The following RERE variants were observed in gnomAD, a reference collection of about 807,000 sequenced individuals.
RERE encodes arginine-glutamic acid dipeptide repeats protein.
In RERE, 40 loss-of-function variants were observed where a neutral mutation model predicts 146.1. The observed-to-expected ratio is 0.27, with a 90% CI of 0.21 to 0.36. The LOEUF (loss-of-function observed/expected upper bound fraction) is 0.36. RERE is among the 10% of genes least tolerant of loss of function. RERE has a pLI of 1.00. For missense variants in RERE, 1,933 were observed against 2,138.7 expected, an observed-to-expected ratio of 0.90 and a Z score of 1.90; for synonymous variants, 1,003 against 866.0, an observed-to-expected ratio of 1.16 and a Z score of -2.78.
intron 10 of RERE, among the ~76,000 whole-genome samples, chr1:8,485,796 CTTTTTT>C (rs58295004): frequency 1.7e-5 from 2 of 117,820 alleles, no homozygotes; most frequent in Admixed American, 8.8e-5. Flanking sequence ...TCTACAATCA[CTTTTTT>C]TTTTTTTTTT....
At chr1:8,615,289 A>G (rs1265599210) in intron 3 of RERE, among the ~76,000 whole-genome samples, 3 of 152,258 alleles carry the variant, frequency 2.0e-5, no homozygotes, top group Non-Finnish European at 4.4e-5. Flanking sequence ...AATTTTCTCC[A>G]AACGCCCACA....
At chr1:8,662,484 C>A (rs1325867851) in intron 1 of RERE, among the ~76,000 whole-genome samples, 1 of 152,140 alleles carries the variant, frequency 6.6e-6, no homozygotes, top group East Asian at 1.9e-4. Context: ...TCATTTGAGA[C>A]CAACCTGGGA....
chr1:8,413,446 G>A (rs1270007464), intron 12 of RERE, among the ~76,000 whole-genome samples: 1 of 152,114 alleles, frequency 6.6e-6, no homozygotes, highest in African/African-American at 2.4e-5. Flanking sequence ...GGGCTCAAGT[G>A]ATCCTCCCAC....
At chr1:8,471,588 A>G (rs1570294096) in intron 10 of RERE, among the ~76,000 whole-genome samples, 1 of 141,838 alleles carries the variant, frequency 7.1e-6, no homozygotes, top group Admixed American at 7.3e-5. Flanking sequence ...CAATCAGCCC[A>G]CTTCCGCCTG....
At chr1:8,430,216 T>A (rs77132113) in intron 11 of RERE, among the ~76,000 whole-genome samples, 2 of 152,180 alleles carry the variant, frequency 1.3e-5, no homozygotes, top group Non-Finnish European at 2.9e-5. Flanking sequence ...GTTTTACATA[T>A]TTAACATTTT....
intron 1 of RERE, among the ~76,000 whole-genome samples, chr1:8,710,660 A>G (rs958580244): frequency 6.6e-6 from 1 of 152,162 alleles, no homozygotes; most frequent in Non-Finnish European, 1.5e-5. Flanking sequence ...CTGGGACTAC[A>G]GGTGCCCACC....
At chr1:8,500,634 C>T (rs1364887013) in intron 8 of RERE, among the ~76,000 whole-genome samples, 3 of 151,726 alleles carry the variant, frequency 2.0e-5, no homozygotes, top group Non-Finnish European at 2.9e-5. Flanking sequence ...GCCGCCACCC[C>T]GTCTGGGAAG....
At chr1:8,692,752 G>A (rs1178732803) in intron 1 of RERE, among the ~76,000 whole-genome samples, 1 of 152,098 alleles carries the variant, frequency 6.6e-6, no homozygotes, top group Non-Finnish European at 1.5e-5. Context: ...TTGCCCCACA[G>A]TTGATTAAAT....
intron 7 of RERE, among the ~76,000 whole-genome samples, chr1:8,512,161 G>A (rs1392952152): frequency 6.7e-6 from 1 of 148,656 alleles, no homozygotes; most frequent in Non-Finnish European, 1.5e-5. Context: ...AGCCTCCCGA[G>A]TAGCTGGGAC....
rs373483360 is a variant in RERE, at chr1:8,466,073, G to A, written c.1105-50C>T. The A allele has an allele frequency of 5.3e-4, 782 of 1,481,546 alleles. 1 individual carries two copies. The highest frequency in any genetic ancestry group is 7.0e-4 in the Non-Finnish European group (752 of 1,078,460). 91.8% of individuals were successfully genotyped at this position (1,481,546 alleles called of 1,614,324 possible). A position where few individuals can be genotyped will look rare whatever the true frequency, so the allele number is the denominator to read the frequency against. ...GCTAACTGCACCAAATAACAGACAG[G>A]ACACAATCGATCCAAGGCAAGCTCC... On this transcript the variant is annotated intron_variant, in intron 10 of 22. Coordinates refer to ENST00000400908, the MANE Select transcript of RERE (RefSeq NM_001042681.2).
intron 12 of RERE, among the ~76,000 whole-genome samples, chr1:8,390,914 T>G (rs1437799845): frequency 1.3e-5 from 2 of 152,022 alleles, no homozygotes; most frequent in Non-Finnish European, 2.9e-5. Flanking sequence ...TCACCAATCC[T>G]GCCTTCCAAA....
chr1:8,629,053 A>G lies in RERE; in HGVS notation c.326-4673T>C, dbSNP rs943440672. 2.0e-5 allele frequency among the ~76,000 whole-genome samples: 3 copies of G among 152,218 alleles called. No individual in the cohort carries two copies. The South Asian group carries it at 6.2e-4, about 32-fold the overall frequency. On this transcript the variant is annotated intron_variant, in intron 2 of 22. Coordinates refer to ENST00000400908, the MANE Select transcript of RERE (RefSeq NM_001042681.2). The stretch of plus-strand genomic sequence containing the variant: ...ACCCATGTAAAAACACGTATTTACC[A>G]GAATTGAGCAAACGGTTTTGGCAGG...
intron 1 of RERE, among the ~76,000 whole-genome samples, chr1:8,714,788 G>A (rs920163537): frequency 3.9e-5 from 6 of 152,014 alleles, no homozygotes; most frequent in South Asian, 2.1e-4. Context: ...ATTTAGAGAC[G>A]GGGCATACAA....
chr1:8,388,608 C>T (rs570847274), intron 12 of RERE, among the ~76,000 whole-genome samples: 6 of 152,306 alleles, frequency 3.9e-5, no homozygotes, highest in East Asian at 3.9e-4. Flanking sequence ...CGTGAGCCAC[C>T]GCGCCCGGCC....
At chr1:8,477,246 G>A (rs1465280594) in intron 10 of RERE, among the ~76,000 whole-genome samples, 1 of 152,166 alleles carries the variant, frequency 6.6e-6, no homozygotes, top group Non-Finnish European at 1.5e-5. Context: ...GCTTGCCGGG[G>A]CAGGAGGACT....
At chr1:8,370,674 AAAG>A (rs2124387707) in intron 12 of RERE, among the ~76,000 whole-genome samples, 1 of 152,342 alleles carries the variant, frequency 6.6e-6, no homozygotes, top group South Asian at 2.1e-4. Flanking sequence ...AGCACAAACA[AAAG>A]AACATGTCGG....
chr1:8,546,320 T>C (rs1645862240), intron 6 of RERE, among the ~76,000 whole-genome samples: 1 of 141,384 alleles, frequency 7.1e-6, no homozygotes, highest in African/African-American at 2.6e-5. Context: ...TAAAAATATA[T>C]ATATATAATT....
At chr1:8,553,205 C>T (rs1182165006) in intron 6 of RERE, among the ~76,000 whole-genome samples, 5 of 152,056 alleles carry the variant, frequency 3.3e-5, no homozygotes, top group South Asian at 2.1e-4. Context: ...TCCACACACA[C>T]GTGCAAAATT....
At chr1:8,623,316 T>C (rs1363802358) in intron 3 of RERE, among the ~76,000 whole-genome samples, 1 of 152,114 alleles carries the variant, frequency 6.6e-6, no homozygotes, top group African/African-American at 2.4e-5. Flanking sequence ...CCGGTTGTAC[T>C]GGCACGCACC....
Sources: gnomAD v4.1 joint callset for allele counts (sites outside exome capture counted in the v4.1 genomes callset) on GRCh38, gnomAD v4.1.1 for gene constraint, MANE v1.5 for transcripts, NCBI Gene and HGNC (gene_info 2026-07-23, HGNC 2026-07-21) for gene names.